Variants in DNAH6 observed in about 807,000 individuals in gnomAD.
DNAH6 encodes axonemal beta dynein heavy chain 6.
Under a neutral mutation model 491.4 loss-of-function variants are expected in DNAH6, and 340 were observed. The ratio of observed to expected loss-of-function variants is 0.69; its 90% CI spans 0.63 to 0.76. DNAH6 has a LOEUF of 0.76. Among genes scored for constraint, DNAH6 ranks in the 30% least tolerant of loss-of-function variants. The pLI is 0.00. For synonymous variants in DNAH6, 1,603 were observed against 1,686.1 expected (o/e 0.95, Z 1.21); for missense variants, 4,443 against 4,972.2 (o/e 0.89, Z 3.20).
At chr2:84,553,421 CTTTCTTTCTT>C (rs1679682225) in intron 10 of DNAH6, among the ~76,000 whole-genome samples, 1 of 120,974 alleles carries the variant, frequency 8.3e-6, no homozygotes, top group Non-Finnish European at 1.8e-5. Context: ...TTCTTTCTTT[CTTTCTTTCTT>C]TCTTTTTCTC....
chr2:84,542,073 A>G (rs1162724079), intron 4 of DNAH6, among the ~76,000 whole-genome samples: 2 of 152,192 alleles, frequency 1.3e-5, no homozygotes, highest in Non-Finnish European at 2.9e-5. Context: ...AGAAATACAA[A>G]TAAAAGGAAT....
intron 3 of DNAH6, among the ~76,000 whole-genome samples, chr2:84,526,386 C>A (rs974710423): frequency 6.6e-6 from 1 of 152,076 alleles, no homozygotes; most frequent in Non-Finnish European, 1.5e-5. Context: ...AACTGCTAGA[C>A]GTGCACAGTT....
chr2:84,564,873 A>C (rs1005293836), intron 11 of DNAH6, among the ~76,000 whole-genome samples: 7 of 152,230 alleles, frequency 4.6e-5, no homozygotes, highest in African/African-American at 1.7e-4. Context: ...TTTGATCCCT[A>C]GTCTGCTTAG....
At chr2:84,545,873 G>A (rs1678729784) in intron 5 of DNAH6, among the ~76,000 whole-genome samples, 1 of 151,944 alleles carries the variant, frequency 6.6e-6, no homozygotes. Context: ...AATTTTGTTG[G>A]CACCCGTGCC....
chr2:84,696,429 A>G (rs1211954979), intron 46 of DNAH6, among the ~76,000 whole-genome samples: 1 of 151,976 alleles, frequency 6.6e-6, no homozygotes, highest in Non-Finnish European at 1.5e-5. Flanking sequence ...ATAAAAATCT[A>G]TGGAATGCAA....
the DNAH6 span, among the ~76,000 whole-genome samples, chr2:84,492,733 G>A: frequency 6.6e-6 from 1 of 152,000 alleles, no homozygotes; most frequent in African/African-American, 2.4e-5. Flanking sequence ...TAAGTGCCTC[G>A]GGGAATGAAT....
rs962127364 is a variant in DNAH6, at chr2:84,636,310, G to C, written c.4654-900G>C. 1.4e-4 allele frequency among the ~76,000 whole-genome samples: 22 copies of C among 152,266 alleles called. No homozygotes were observed. The South Asian group carries it at 3.1e-3, about 22-fold the overall frequency. On this transcript the variant is annotated intron_variant, in intron 30 of 76. Transcript: ENST00000389394. ...TCCGGAACATGCAGTGTTGTTTCTT[G>C]CTCCTGCTCCCTTTTCCTGGAATGG...
At chr2:84,496,358 A>G in the DNAH6 span, among the ~76,000 whole-genome samples, 3 of 152,338 alleles carry the variant, frequency 2.0e-5, 1 homozygote, top group Middle Eastern at 3.4e-3. Context: ...ATAACCATAA[A>G]TCTCCTAAAT....
At chr2:84,504,537 G>T in the DNAH6 span, among the ~76,000 whole-genome samples, 1 of 152,160 alleles carries the variant, frequency 6.6e-6, no homozygotes, top group Non-Finnish European at 1.5e-5. Context: ...GGGCTTGTTT[G>T]TAGCTATCCT....
At position 84,740,947 on chromosome 2, in the gene DNAH6, G is replaced by A. The variant is rs541412062; in HGVS notation, c.10343-4133G>A. Among the ~76,000 whole-genome samples the A allele has an allele frequency of 2.0e-5, 3 of 152,202 alleles. No homozygotes were observed. In the South Asian group the frequency reaches 6.2e-4, roughly 32 times the overall value. On this transcript the variant is annotated intron_variant, in intron 62 of 76. Transcript: ENST00000389394. ...GAACAAGCACTTTAATCTCACCTAA[G>A]ACCAAAATGCTTGCTGTGGCCACCG...
At chr2:84,645,367 C>T (rs1558845833) in intron 33 of DNAH6, among the ~76,000 whole-genome samples, 1 of 152,096 alleles carries the variant, frequency 6.6e-6, no homozygotes, top group African/African-American at 2.4e-5. Flanking sequence ...TGCAGTAAGC[C>T]GAGATTGTGC....
intron 64 of DNAH6, 71 bp from the exon 65 acceptor site, chr2:84,781,422 T>C: frequency 1.5e-6 from 2 of 1,309,010 alleles, no homozygotes; most frequent in Non-Finnish European, 2.1e-6. Flanking sequence ...TCTACTGTAT[T>C]TATATTTCTT....
chr2:84,718,121 G>T (rs918410234), intron 58 of DNAH6, 83 bp from the exon 59 acceptor site: 4 of 1,167,756 alleles, frequency 3.4e-6, no homozygotes, highest in Non-Finnish European at 4.7e-6. Context: ...GAATAAGAAC[G>T]ATTACAAACA....
At chr2:84,515,699 G>T (rs938869975), upstream of DNAH6, among the ~76,000 whole-genome samples, 1 of 152,204 alleles carries the variant, frequency 6.6e-6, no homozygotes, top group Non-Finnish European at 1.5e-5. Context: ...ATCAAGACAG[G>T]TGAAAGGATT....
At chr2:84,485,139 A>G in the DNAH6 span, among the ~76,000 whole-genome samples, 1 of 152,186 alleles carries the variant, frequency 6.6e-6, no homozygotes, top group African/African-American at 2.4e-5. Context: ...CCTAATCTCT[A>G]ATGAAAGGGG....
chr2:84,511,391 C>A, the DNAH6 span, among the ~76,000 whole-genome samples: 1 of 152,232 alleles, frequency 6.6e-6, no homozygotes. Context: ...GATATAATCT[C>A]CTGGTGTGCC....
rs544504557 is a variant in DNAH6, at chr2:84,635,616, A to G, written c.4653+975A>G. On this transcript the variant is annotated intron_variant, in intron 30 of 76. Transcript: ENST00000389394. ...AGGGGACAGGGACCAGAGAGAGTAGAGGCAGGATTGAAGCTTTGCCCACTG... is the reference window on the plus strand; with the variant it reads ...AGGGGACAGGGACCAGAGAGAGTAGGGGCAGGATTGAAGCTTTGCCCACTG... Among the ~76,000 whole-genome samples, 3 of 152,308 alleles carry G rather than the reference A, an allele frequency of 2.0e-5. No individual in the cohort carries two copies. The East Asian group carries it at 5.8e-4, about 29-fold the overall frequency.
At chr2:84,717,208 T>C (rs1213217097) in intron 58 of DNAH6, among the ~76,000 whole-genome samples, 4 of 152,234 alleles carry the variant, frequency 2.6e-5, no homozygotes, top group Non-Finnish European at 5.9e-5. Flanking sequence ...CTTTTGATTC[T>C]TAACTTGATT....
chr2:84,544,439 G>T lies in DNAH6; in HGVS notation c.869G>T (p.Arg290Leu), dbSNP rs764375435. The change falls in exon 5 of 77, where the codon CGC (arginine) becomes CTC (leucine). Residue 290 changes from arginine (R) to leucine (L), a missense_variant. Coordinates refer to ENST00000389394, the MANE Select transcript of DNAH6 (RefSeq NM_001370.2). ...KAFSVWRKNV[R>L]SKKITGCQKS... ...TTTAGTGTATGGAGGAAGAATGTCC[G>T]CTCCAAGAAAATCACTGGATGTCAA... 1 of 1,537,072 alleles carries T rather than the reference G, an allele frequency of 6.5e-7. No homozygotes were observed. Among genetic ancestry groups the T allele is most frequent in the South Asian group, 1.2e-5 (1 of 83,636 alleles).
Sources: allele counts gnomAD v4.1 joint callset (sites outside exome capture counted in the v4.1 genomes callset), GRCh38; gene constraint gnomAD v4.1.1; transcripts MANE v1.5; gene names NCBI Gene and HGNC (gene_info 2026-07-23, HGNC 2026-07-21).